Variants in CSMD1 observed in about 807,000 individuals in gnomAD.
CSMD1 encodes CUB and sushi domain-containing protein 1.
In CSMD1, 213 loss-of-function variants were observed where a neutral mutation model predicts 417.5. The ratio of observed to expected loss-of-function variants is 0.51; its 90% confidence interval spans 0.46 to 0.57. The LOEUF (loss-of-function observed/expected upper bound fraction) is 0.57. Among genes scored for constraint, CSMD1 ranks in the 20% least tolerant of loss-of-function variants. The probability of loss-of-function intolerance (pLI) is 0.00; values close to 1 mark genes in which losing one functional copy is unlikely to be tolerated. For synonymous variants in CSMD1, 2,862 were observed against 1,736.8 expected (o/e 1.65, Z -16.11); for missense variants, 6,923 against 4,529.7 (o/e 1.53, Z -15.17).
chr8:3,138,416 T>A (rs534335398), intron 41 of CSMD1, among the ~76,000 whole-genome samples: 1 of 152,236 alleles, frequency 6.6e-6, no homozygotes, highest in Non-Finnish European at 1.5e-5. Context: ...TCCAATTTCA[T>A]CACTGAAAGC....
intron 3 of CSMD1, among the ~76,000 whole-genome samples, chr8:4,178,086 C>T (rs1317132963): frequency 1.3e-5 from 2 of 152,090 alleles, no homozygotes; most frequent in African/African-American, 4.8e-5. Context: ...TTTATGAGGC[C>T]AGCATCATCC....
intron 2 of CSMD1, among the ~76,000 whole-genome samples, chr8:4,548,865 G>A (rs1277267644): frequency 1.3e-5 from 2 of 152,160 alleles, no homozygotes; most frequent in East Asian, 1.9e-4. Flanking sequence ...CGCGCAGGAG[G>A]TAAAGTATTT....
At chr8:3,483,520 G>A (rs969899975) in intron 11 of CSMD1, among the ~76,000 whole-genome samples, 1 of 151,868 alleles carries the variant, frequency 6.6e-6, no homozygotes, top group South Asian at 2.1e-4. Flanking sequence ...AGACCCAGAT[G>A]GTTTCAATAG....
chr8:4,726,207 G>C (rs774299295), intron 1 of CSMD1, among the ~76,000 whole-genome samples: 2 of 151,862 alleles, frequency 1.3e-5, no homozygotes, highest in African/African-American at 4.8e-5. Flanking sequence ...TTCAGCTGTG[G>C]CTTCATCACC....
intron 7 of CSMD1, among the ~76,000 whole-genome samples, chr8:3,669,407 G>C (rs1798870586): frequency 1.3e-5 from 2 of 152,058 alleles, no homozygotes; most frequent in Admixed American, 6.6e-5. Flanking sequence ...CCAGTCTAGG[G>C]GTTCGTGTTT....
intron 2 of CSMD1, among the ~76,000 whole-genome samples, chr8:4,444,418 A>G (rs918700416): frequency 6.6e-6 from 1 of 150,700 alleles, no homozygotes; most frequent in East Asian, 1.9e-4. Context: ...GTGGTGCTCA[A>G]AAATGGACAA....
chr8:4,299,392 T>A (rs59631106), intron 3 of CSMD1, among the ~76,000 whole-genome samples: 1 of 152,182 alleles, frequency 6.6e-6, no homozygotes, highest in Non-Finnish European at 1.5e-5. Context: ...AGATAACCAG[T>A]CGTCTCAACA....
intron 3 of CSMD1, among the ~76,000 whole-genome samples, chr8:4,184,847 C>G (rs182681369): frequency 6.6e-6 from 1 of 152,010 alleles, no homozygotes; most frequent in Non-Finnish European, 1.5e-5. Flanking sequence ...TAAAATACCC[C>G]AACACTTTCG....
chr8:3,362,527 C>T (rs1809261212), intron 20 of CSMD1, among the ~76,000 whole-genome samples: 1 of 152,214 alleles, frequency 6.6e-6, no homozygotes. Flanking sequence ...TCTCATTTGG[C>T]TGATTCGGAA....
chr8:3,667,431 G>T (rs934626743), intron 7 of CSMD1, among the ~76,000 whole-genome samples: 2 of 150,678 alleles, frequency 1.3e-5, no homozygotes, highest in African/African-American at 4.9e-5. Flanking sequence ...AGAGATTTTG[G>T]ATAGCAGCCA....
chr8:3,508,379 G>T (rs1796922632), intron 10 of CSMD1, among the ~76,000 whole-genome samples: 1 of 150,616 alleles, frequency 6.6e-6, no homozygotes, highest in Non-Finnish European at 1.5e-5. Flanking sequence ...AGGGGGGAGG[G>T]ATAGCATTAG....
chr8:3,995,836 G>C (rs1395322821), intron 5 of CSMD1, among the ~76,000 whole-genome samples: 2 of 152,154 alleles, frequency 1.3e-5, no homozygotes, highest in African/African-American at 2.4e-5. Flanking sequence ...ACAGGCAACA[G>C]AGTTTATTAG....
intron 5 of CSMD1, among the ~76,000 whole-genome samples, chr8:3,948,654 C>T (rs1055301285): frequency 1.3e-5 from 2 of 152,064 alleles, no homozygotes; most frequent in Admixed American, 6.5e-5. Flanking sequence ...GTACAACTTT[C>T]CTAAAGAAAT....
intron 10 of CSMD1, among the ~76,000 whole-genome samples, chr8:3,534,993 G>A (rs1030914147): frequency 6.6e-6 from 1 of 152,154 alleles, no homozygotes; most frequent in African/African-American, 2.4e-5. Flanking sequence ...TGTCGCCCAG[G>A]CTGGAGTGCA....
At chr8:3,293,780 C>A (rs1009038598) in intron 25 of CSMD1, among the ~76,000 whole-genome samples, 2 of 152,194 alleles carry the variant, frequency 1.3e-5, no homozygotes, top group African/African-American at 2.4e-5. Context: ...CAAACTTCCT[C>A]CTGTAGCTCA....
intron 6 of CSMD1, among the ~76,000 whole-genome samples, chr8:3,735,957 A>G (rs183020442): frequency 1.1e-3 from 171 of 152,270 alleles, no homozygotes; most frequent in African/African-American, 3.9e-3. Flanking sequence ...AATAAACAGT[A>G]GACAGGTAAA....
chr8:4,429,689 C>T (rs1440842088), intron 2 of CSMD1, among the ~76,000 whole-genome samples: 3 of 152,050 alleles, frequency 2.0e-5, no homozygotes, highest in African/African-American at 2.4e-5. Flanking sequence ...CCCCAATACC[C>T]CAAAAGAACA....
chr8:4,002,012 G>T (rs1815717984), intron 4 of CSMD1, among the ~76,000 whole-genome samples: 1 of 152,116 alleles, frequency 6.6e-6, no homozygotes, highest in Non-Finnish European at 1.5e-5. Flanking sequence ...ATATATGCAA[G>T]ATATATTAGA....
At chr8:3,445,320 G>C (rs1348418231) in intron 12 of CSMD1, among the ~76,000 whole-genome samples, 1 of 152,092 alleles carries the variant, frequency 6.6e-6, no homozygotes, top group Non-Finnish European at 1.5e-5. Context: ...AATATATCCT[G>C]GGTACCTATC....
Sources: allele counts gnomAD v4.1 joint callset (sites outside exome capture counted in the v4.1 genomes callset), GRCh38; gene constraint gnomAD v4.1.1; transcripts MANE v1.5; gene names NCBI Gene and HGNC (gene_info 2026-07-23, HGNC 2026-07-21).